The following C12orf57 variants were observed in gnomAD, a reference collection of about 807,000 sequenced individuals.
The protein encoded by C12orf57 is chromosome 12 open reading frame 57.
A neutral mutation model predicts 11.3 loss-of-function variants in C12orf57; 14 were observed. That is an observed-to-expected ratio of 1.24 (90% CI 0.82 to 1.94). The LOEUF (loss-of-function observed/expected upper bound fraction) is 1.94, where lower values mean the gene tolerates loss of function less well. Ranked by LOEUF, C12orf57 falls within the 30% of genes most tolerant of loss-of-function variation. The pLI, the probability that C12orf57 is intolerant of heterozygous loss-of-function variation, is 0.00. For missense variants in C12orf57, 229 were observed against 172.4 expected (o/e 1.33, Z -1.84); for synonymous variants, 100 against 74.6 (o/e 1.34, Z -1.76).
upstream of C12orf57, chr12:6,944,018 G>A (rs1225950694): frequency 6.2e-6 from 10 of 1,605,950 alleles, no homozygotes; most frequent in East Asian, 2.2e-5. Context: ...GCCGGATGCT[G>A]TTTCCTTTCC....
chr12:6,943,926 T>G (rs782742987), upstream of C12orf57: 7 of 1,322,068 alleles, frequency 5.3e-6, no homozygotes, highest in East Asian at 2.5e-5. Context: ...TGTGCAAAAA[T>G]TATGGGTAGT....
chr12:6,943,842 T>A, upstream of C12orf57: 1 of 884,862 alleles, frequency 1.1e-6, no homozygotes, highest in Non-Finnish European at 1.6e-6. Context: ...TTAGAATTTG[T>A]CTAGTAGGCT....
At chr12:6,943,955 G>C (rs782131325), upstream of C12orf57, 42 of 1,514,778 alleles carry the variant, frequency 2.8e-5, no homozygotes, top group East Asian at 4.6e-5. Context: ...TCTTGATGCA[G>C]TTGTAAGCTT....
At chr12:6,944,837 C>T (rs868969821) in intron 2 of C12orf57, 185 bp downstream of exon 2, 56 of 1,445,316 alleles carry the variant, frequency 3.9e-5, no homozygotes, top group Non-Finnish European at 5.0e-5. Context: ...GTCCGAGTTG[C>T]GTTTTGTACA....
At chr12:6,944,818 A>G (rs1945758495) in intron 2 of C12orf57, 166 bp downstream of exon 2, 1 of 1,457,554 alleles carries the variant, frequency 6.9e-7, no homozygotes, top group East Asian at 2.5e-5. Flanking sequence ...GTCTACCCTG[A>G]GCTTGTGCGT....
At chr12:6,943,811 C>A (rs76168000), upstream of C12orf57, 15 of 858,010 alleles carry the variant, frequency 1.7e-5, no homozygotes, top group East Asian at 4.1e-5. Flanking sequence ...CAAACACATA[C>A]GCAGCAGTGT....
upstream of C12orf57, chr12:6,943,720 A>G: frequency 7.9e-7 from 1 of 1,270,214 alleles, no homozygotes; most frequent in Non-Finnish European, 1.0e-6. Flanking sequence ...GTCGTTGTTT[A>G]TACAGTAATA....
chr12:6,943,958 G>C (rs112885868), upstream of C12orf57: 5 of 1,524,780 alleles, frequency 3.3e-6, no homozygotes, highest in South Asian at 3.6e-5. Flanking sequence ...TGATGCAGTT[G>C]TAAGCTTGGG....
intron 2 of C12orf57, 131 bp from the exon 3 acceptor site, chr12:6,945,640 C>T (rs782362042): frequency 1.1e-6 from 1 of 900,114 alleles, no homozygotes; most frequent in Non-Finnish European, 1.8e-6. Flanking sequence ...CAGAGGCCTG[C>T]ATGCGTCCTG....
At chr12:6,944,987 A>G (rs1224049003) in intron 2 of C12orf57, 40 of 708,632 alleles carry the variant, frequency 5.6e-5, no homozygotes, top group Middle Eastern at 8.4e-4. Context: ...TTTGTTTCAT[A>G]TACACGCACC....
In C12orf57 at chr12:6,944,128, T is replaced by C. The variant is rs782161931; in HGVS notation, c.7T>C (p.Ser3Pro). ...CTAGAGCTTCAGACGCCCTATGGCG[T>C]CCGCCTCGACCCAACCGGCGGCCTT... MA[S>P]ASTQPAALSA... Residue 3 changes from serine (S) to proline (P), a missense_variant, in exon 1 of 3, where the codon TCC becomes CCC. Physicochemically the swap from Ser to Pro is moderately conservative, Grantham distance 74. Transcript: ENST00000229281. The C allele has an allele frequency of 3.1e-6, 5 of 1,614,112 alleles. No individual in the cohort carries two copies. Among genetic ancestry groups the C allele is most frequent in the Non-Finnish European group, 3.4e-6 (4 of 1,180,040 alleles).
chr12:6,944,616 G>A lies in C12orf57; in HGVS notation c.193G>A (p.Val65Ile). The A allele has an allele frequency of 6.2e-7, 1 of 1,614,124 alleles. No individual in the cohort carries two copies. The highest frequency in any genetic ancestry group is 2.2e-5 in the East Asian group (1 of 44,894). The change falls in exon 2 of 3, where the codon GTT (valine) becomes ATT (isoleucine). Residue 65 changes from valine to isoleucine, a missense_variant. Val to Ile is a conservative substitution (Grantham distance 29). Transcript: ENST00000229281. ...CGTGGCCACGCAGATCCAGCAGGAGGTTATCAAAGCCTATGGCTTCAGCTG... is the reference window on the plus strand; with the variant it reads ...CGTGGCCACGCAGATCCAGCAGGAGATTATCAAAGCCTATGGCTTCAGCTG... The part of the protein sequence containing the change: ...LPVATQIQQE[V>I]IKAYGFSCDG...
At chr12:6,943,497 A>G, upstream of C12orf57, 1 of 1,273,530 alleles carries the variant, frequency 7.9e-7, no homozygotes, top group Non-Finnish European at 1.0e-6. Flanking sequence ...CCTTTAGGAA[A>G]CTGCGACAAC....
chr12:6,945,707 C>G (rs782813144), intron 2 of C12orf57, 64 bp from the exon 3 acceptor site: 12 of 1,554,838 alleles, frequency 7.7e-6, no homozygotes, highest in Admixed American at 7.2e-5. Context: ...ACTACCACCC[C>G]CTCCAGGTGT....
chr12:6,943,858 G>C (rs781962342), upstream of C12orf57: 50 of 940,458 alleles, frequency 5.3e-5, no homozygotes, highest in Non-Finnish European at 6.9e-5. Flanking sequence ...AGGCTTTCTG[G>C]CTTTTTACCG....
chr12:6,943,988 G>C (rs782394220), upstream of C12orf57: 111 of 1,586,616 alleles, frequency 7.0e-5, no homozygotes, highest in Middle Eastern at 1.8e-3. Context: ...TTTGGGCCAC[G>C]CCTGGGCGCT....
At chr12:6,945,706 C>T (rs1313052838) in intron 2 of C12orf57, 65 bp from the exon 3 acceptor site, 31 of 1,549,738 alleles carry the variant, frequency 2.0e-5, no homozygotes, top group African/African-American at 1.6e-4. Context: ...GACTACCACC[C>T]CCTCCAGGTG....
upstream of C12orf57, chr12:6,943,856 T>A (rs782444004): frequency 1.1e-6 from 1 of 932,396 alleles, no homozygotes. Flanking sequence ...GTAGGCTTTC[T>A]GGCTTTTTAC....
At chr12:6,944,251 C>G in intron 1 of C12orf57, 78 bp downstream of exon 1, 1 of 1,609,202 alleles carries the variant, frequency 6.2e-7, no homozygotes, top group Non-Finnish European at 8.5e-7. Flanking sequence ...GGGGAGGATG[C>G]GGGCGGAGGA....
Sources: gnomAD v4.1 joint callset for allele counts on GRCh38, gnomAD v4.1.1 for gene constraint, MANE v1.5 for transcripts, NCBI Gene and HGNC (gene_info 2026-07-23, HGNC 2026-07-21) for gene names.